JPH3: variants seen among roughly 807,000 people sequenced by gnomAD.
JPH3 encodes the protein junctophilin-3.
A neutral mutation model predicts 59.6 loss-of-function variants in JPH3; 11 were observed. The ratio of observed to expected loss-of-function variants is 0.18; its 90% confidence interval spans 0.12 to 0.31. The LOEUF is 0.31. Ranked by LOEUF, JPH3 falls within the 10% of genes least tolerant of loss-of-function variation. The probability of loss-of-function intolerance (pLI) is 1.00; values close to 1 mark genes in which losing one functional copy is unlikely to be tolerated. For synonymous variants in JPH3, 673 were observed against 483.6 expected (o/e 1.39, Z -5.14); for missense variants, 1,202 against 1,105.7 (o/e 1.09, Z -1.24).
intron 2 of JPH3, chr16:87,655,116 T>A (rs2032452151): frequency 1.3e-5 from 2 of 152,152 alleles, no homozygotes; most frequent in Non-Finnish European, 2.9e-5. Flanking sequence ...TCCTTGAAGG[T>A]CTGGCAGGGT....
At chr16:87,686,792 C>T (rs59109095) in intron 3 of JPH3, among the ~76,000 whole-genome samples, 3,726 of 152,304 alleles carry the variant, frequency 0.024, 141 homozygotes, top group African/African-American at 0.084. Flanking sequence ...CTGAAGCTGC[C>T]TCCTCCGACA....
At chr16:87,690,918 C>A (rs1243311562) in intron 4 of JPH3, among the ~76,000 whole-genome samples, 1 of 152,198 alleles carries the variant, frequency 6.6e-6, no homozygotes, top group South Asian at 2.1e-4. Context: ...GGATAGGAAC[C>A]CAGAGGCGAA....
intron 1 of JPH3, among the ~76,000 whole-genome samples, chr16:87,635,508 C>A (rs980489790): frequency 2.0e-5 from 3 of 152,196 alleles, no homozygotes; most frequent in Non-Finnish European, 2.9e-5. Flanking sequence ...CGGACCCAGA[C>A]AATGCTGCTG....
intron 1 of JPH3, among the ~76,000 whole-genome samples, chr16:87,612,157 C>T (rs867982280): frequency 2.2e-4 from 33 of 152,150 alleles, no homozygotes; most frequent in African/African-American, 7.7e-4. Flanking sequence ...GGGCTGGCTC[C>T]GTCTGTCGTC....
rs1446283099 is a variant in JPH3 at position 87,644,485 on chromosome 16, T to A, written c.610T>A (p.Ser204Thr). The A allele has an allele frequency of 6.2e-7, 1 of 1,612,782 alleles. No homozygotes were observed. ...CTTCGTGCTCGTGGCCCACAGTGAC[T>A]CCGAGATCCTCAAGAGCAAGAAGAA... ...GGFVLVAHSD[S>T]EILKSKKKGL... Residue 204 changes from serine to threonine, a missense_variant, in exon 2 of 5, where the codon TCC (serine) becomes ACC (threonine). Transcript: ENST00000284262.
In JPH3 at chr16:87,667,527, A is replaced by G. The variant is rs769827109; in HGVS notation, c.1161-16615A>G. The stretch of plus-strand genomic sequence containing the variant: ...GAAGTCGGGAGCGTGAGGACCCTTT[A>G]TCTGGTCTTTGGGGGCCAGGTGGGT... On this transcript the variant is annotated intron_variant, in intron 2 of 4. Coordinates refer to ENST00000284262, the MANE Select transcript of JPH3 (RefSeq NM_020655.4). Among the ~76,000 whole-genome samples the G allele has an allele frequency of 2.6e-5, 4 of 152,072 alleles. No individual in the cohort carries two copies. In the South Asian group the frequency reaches 8.3e-4, roughly 32 times the overall value.
rs199869682 is a variant in JPH3 at position 87,690,281 on chromosome 16, G to A, written c.1921G>A (p.Asp641Asn). 2 of 1,600,436 alleles carry A rather than the reference G, an allele frequency of 1.2e-6. No homozygotes were observed. The highest frequency in any genetic ancestry group is 1.3e-5 in the African/African-American group (1 of 74,804). ...GGGCGGCGCCTGCCGGGGCTTGGGGGACGACCACCGCCCCGAGGACCGGGG... is the reference window on the plus strand; with the variant it reads ...GGGCGGCGCCTGCCGGGGCTTGGGGAACGACCACCGCCCCGAGGACCGGGG... ...SKGGACRGLG[D>N]DHRPEDRGFG... is the part of the protein sequence containing the mutation. The change falls in exon 4 of 5, where the codon GAC (aspartate) becomes AAC (asparagine). Residue 641 changes from aspartate (D) to asparagine (N), a missense_variant. Asp to Asn is a conservative substitution (Grantham distance 23, BLOSUM62 1). Transcript: ENST00000284262.
intron 2 of JPH3, among the ~76,000 whole-genome samples, chr16:87,646,412 T>C (rs190164002): frequency 3.0e-4 from 45 of 152,356 alleles, no homozygotes; most frequent in Non-Finnish European, 4.3e-4. Context: ...TGCCCCTCCC[T>C]GCTCCCTCAG....
At chr16:87,656,876 C>T (rs116843700) in intron 2 of JPH3, among the ~76,000 whole-genome samples, 1,793 of 152,246 alleles carry the variant, frequency 0.012, 15 homozygotes, top group Non-Finnish European at 0.012. Flanking sequence ...TGTGGTGTTC[C>T]GACAGGGGAT....
chr16:87,623,153 C>T (rs1306872340), intron 1 of JPH3, among the ~76,000 whole-genome samples: 4 of 152,224 alleles, frequency 2.6e-5, no homozygotes, highest in East Asian at 1.9e-4. Context: ...TGGGTTCCAG[C>T]GTGGGCCAAG....
intron 2 of JPH3, among the ~76,000 whole-genome samples, chr16:87,671,560 C>T (rs1434844956): frequency 1.3e-5 from 2 of 151,776 alleles, no homozygotes; most frequent in Non-Finnish European, 2.9e-5. Flanking sequence ...AGGAGTCACC[C>T]ACACAACCCT....
intron 2 of JPH3, among the ~76,000 whole-genome samples, chr16:87,671,294 G>C (rs969475336): frequency 1.3e-5 from 2 of 152,176 alleles, no homozygotes; most frequent in Non-Finnish European, 2.9e-5. Flanking sequence ...GGTGGCGACT[G>C]GGTTGTGCTG....
intron 2 of JPH3, among the ~76,000 whole-genome samples, chr16:87,647,557 T>A (rs2032192697): frequency 6.6e-6 from 1 of 152,160 alleles, no homozygotes; most frequent in Non-Finnish European, 1.5e-5. Context: ...CCGAGCTGAC[T>A]CCGTCCCTTC....
intron 1 of JPH3, among the ~76,000 whole-genome samples, chr16:87,637,614 C>T (rs2150840053): frequency 6.6e-6 from 1 of 152,264 alleles, no homozygotes; most frequent in South Asian, 2.1e-4. Flanking sequence ...ACCCTAGTGA[C>T]TCACAGGCCC....
intron 1 of JPH3, among the ~76,000 whole-genome samples, chr16:87,640,286 G>T (rs1287259848): frequency 6.6e-6 from 1 of 151,336 alleles, no homozygotes; most frequent in Non-Finnish European, 1.5e-5. Context: ...CTGAGATCGC[G>T]CTACTGCACT....
chr16:87,604,907 A>T (rs1213228688), intron 1 of JPH3: 3 of 437,372 alleles, frequency 6.9e-6, no homozygotes, highest in Non-Finnish European at 1.4e-5. Flanking sequence ...CAGGTTGGAG[A>T]GCTTCCCTGA....
intron 2 of JPH3, among the ~76,000 whole-genome samples, chr16:87,656,649 C>T (rs759748966): frequency 4.6e-5 from 7 of 152,270 alleles, no homozygotes; most frequent in East Asian, 1.9e-4. Flanking sequence ...GCAGGAAAAA[C>T]GTGCAGCTGG....
rs368460315 is a variant in JPH3, at chr16:87,648,481, G to C, written c.1160+3446G>C. ...TGTCCTCACCCGCCCCGGCCGGCAG[G>C]GCTTGTCAGGCCGCGTGAAGTGAGA... On this transcript the variant is annotated intron_variant, in intron 2 of 4. Coordinates refer to ENST00000284262, the MANE Select transcript of JPH3 (RefSeq NM_020655.4). Among the ~76,000 whole-genome samples the C allele has an allele frequency of 2.2e-4, 33 of 152,290 alleles. 1 individual carries two copies. The East Asian group carries it at 5.2e-3, about 24-fold the overall frequency.
intron 1 of JPH3, among the ~76,000 whole-genome samples, chr16:87,613,853 A>G (rs938969647): frequency 4.6e-5 from 7 of 152,158 alleles, no homozygotes; most frequent in Non-Finnish European, 7.4e-5. Context: ...ATGCCTTGAG[A>G]TAAGGCATTC....
Sources: gnomAD v4.1 joint callset for allele counts (sites outside exome capture counted in the v4.1 genomes callset) on GRCh38, gnomAD v4.1.1 for gene constraint, MANE v1.5 for transcripts, NCBI Gene and HGNC (gene_info 2026-07-23, HGNC 2026-07-21) for gene names.